PPP1R14C: variants seen among roughly 807,000 people sequenced by gnomAD.
The protein encoded by PPP1R14C is protein phosphatase 1 regulatory subunit 14C.
PPP1R14C carries 16 observed loss-of-function variants against 20.4 expected under a neutral mutation model. That is an observed-to-expected ratio of 0.78 (90% confidence interval 0.53 to 1.19). The LOEUF is 1.19. PPP1R14C is among the 50% of genes most tolerant of loss of function. The probability of loss-of-function intolerance (pLI) is 0.00; values close to 1 mark genes in which losing one functional copy is unlikely to be tolerated. For missense variants in PPP1R14C, 211 were observed against 220.1 expected (o/e 0.96, Z 0.26); for synonymous variants, 91 against 91.0 (o/e 1.00, Z 0.00).
In PPP1R14C at chr6:150,249,786, G is replaced by T. The variant is rs867143313; in HGVS notation, c.*966G>T. 2.7e-6 allele frequency: 1 copy of T among 372,496 alleles called. No individual in the cohort carries two copies. The highest frequency in any genetic ancestry group is 2.1e-5 in the African/African-American group (1 of 48,172). The allele number at this position is 372,496 out of a possible 1,614,324, so 23.1% of individuals were successfully genotyped here. On this transcript the variant is annotated 3_prime_UTR_variant, in exon 4 of 4. Coordinates refer to ENST00000361131, the MANE Select transcript of PPP1R14C (RefSeq NM_030949.3). ...TCTTCCTTAGAAATAGGTTCTGGTA[G>T]CTTCTGTGCCTGGGTAGTATCAGAC...
chr6:150,222,401 T>C (rs1488887044), intron 3 of PPP1R14C, among the ~76,000 whole-genome samples: 3 of 152,162 alleles, frequency 2.0e-5, no homozygotes, highest in Admixed American at 6.5e-5. Flanking sequence ...ATTGTCACCA[T>C]CTCCTCACAG....
chr6:150,235,894 C>CT (rs1367656694), intron 3 of PPP1R14C, among the ~76,000 whole-genome samples: 1 of 152,170 alleles, frequency 6.6e-6, no homozygotes, highest in African/African-American at 2.4e-5. Context: ...GGACACTGAC[C>CT]TTTGCATGTC....
intron 1 of PPP1R14C, among the ~76,000 whole-genome samples, chr6:150,206,848 T>C (rs1777957953): frequency 2.0e-5 from 3 of 150,712 alleles, no homozygotes; most frequent in African/African-American, 7.4e-5. Context: ...ATTTTGATGT[T>C]TTTTTTTGTT....
At chr6:150,230,928 T>C (rs1046922827) in intron 3 of PPP1R14C, among the ~76,000 whole-genome samples, 1 of 152,230 alleles carries the variant, frequency 6.6e-6, no homozygotes, top group Admixed American at 6.5e-5. Context: ...TGAATTACTT[T>C]GAATGACTAG....
intron 1 of PPP1R14C, among the ~76,000 whole-genome samples, chr6:150,180,842 A>C (rs1416548148): frequency 3.3e-5 from 5 of 152,158 alleles, no homozygotes; most frequent in Non-Finnish European, 5.9e-5. Context: ...ATGACCCTGG[A>C]CTACATCAGC....
At position 150,185,984 on chromosome 6, in the gene PPP1R14C, A is replaced by T. The variant is rs145531056; in HGVS notation, c.307-28760A>T. Among the ~76,000 whole-genome samples, 1 of 152,118 alleles carries T rather than the reference A, an allele frequency of 6.6e-6. No individual in the cohort carries two copies. Among genetic ancestry groups the T allele is most frequent in the Non-Finnish European group, 1.5e-5 (1 of 68,022 alleles). ...GTTCACTGGGCAAAGCAAGTCCCTT[A>T]GTCACACCCAACTTCAGAGGGGCAG... On this transcript the variant is annotated intron_variant, in intron 1 of 3. Transcript: ENST00000361131. This position sits in a 1 kb window ranked among gnomAD's most constrained non-coding sequence, Gnocchi z 4.1.
chr6:150,190,402 C>A (rs1325088123), intron 1 of PPP1R14C, among the ~76,000 whole-genome samples: 1 of 150,994 alleles, frequency 6.6e-6, no homozygotes, highest in Non-Finnish European at 1.5e-5. Context: ...AAGGCAGAAA[C>A]CTTAAAGTCA....
intron 3 of PPP1R14C, among the ~76,000 whole-genome samples, chr6:150,247,840 A>G (rs544754355): frequency 1.8e-4 from 28 of 152,274 alleles, no homozygotes; most frequent in African/African-American, 5.5e-4. Flanking sequence ...AATCACAAAC[A>G]CTAGTGGTGG....
At chr6:150,231,345 G>C (rs190293589) in intron 3 of PPP1R14C, among the ~76,000 whole-genome samples, 7 of 152,232 alleles carry the variant, frequency 4.6e-5, no homozygotes, top group Non-Finnish European at 8.8e-5. Flanking sequence ...GAGTATAAAG[G>C]AACATCCAAG....
chr6:150,162,946 G>T (rs1339719706), intron 1 of PPP1R14C, among the ~76,000 whole-genome samples: 2 of 152,192 alleles, frequency 1.3e-5, no homozygotes, highest in Non-Finnish European at 2.9e-5. Flanking sequence ...CATGATGAGA[G>T]ATGGCACCAG....
At position 150,143,410 on chromosome 6, in the gene PPP1R14C, C is replaced by T. The variant is rs1161555333; in HGVS notation, c.218C>T (p.Thr73Ile). Residue 73 changes from threonine to isoleucine, a missense_variant, in exon 1 of 4, where the codon ACA becomes ATA. Coordinates refer to ENST00000361131, the MANE Select transcript of PPP1R14C (RefSeq NM_030949.3). The surrounding 1 kb of genome is among the most constrained non-coding windows in gnomAD (Gnocchi z 5.6). ...QQRRHQQGKVTVKYDRKELRK... is the reference protein window; with the variant it reads ...QQRRHQQGKVIVKYDRKELRK... ...CGGCGACACCAGCAGGGAAAAGTGA[C>T]AGTGAAATACGATCGTAAGGAGCTT... The T allele has an allele frequency of 4.3e-6, 7 of 1,612,414 alleles. No individual in the cohort carries two copies. Among genetic ancestry groups the T allele is most frequent in the South Asian group, 3.3e-5 (3 of 90,698 alleles).
At chr6:150,181,957 A>G (rs9478551) in intron 1 of PPP1R14C, among the ~76,000 whole-genome samples, 19,272 of 152,192 alleles carry the variant, frequency 0.13, 1,633 homozygotes, top group African/African-American at 0.24. Flanking sequence ...AGCAGCTGCT[A>G]GTTGAAGTGG....
intron 1 of PPP1R14C, among the ~76,000 whole-genome samples, chr6:150,208,368 G>A (rs1030379275): frequency 6.6e-6 from 1 of 152,128 alleles, no homozygotes; most frequent in Non-Finnish European, 1.5e-5. Flanking sequence ...AAAGCTTCCA[G>A]GATCCTCCCT....
chr6:150,212,793 C>G (rs980568651), intron 1 of PPP1R14C, among the ~76,000 whole-genome samples: 2 of 152,172 alleles, frequency 1.3e-5, no homozygotes, highest in Non-Finnish European at 2.9e-5. Flanking sequence ...ACTGTGTTAC[C>G]GTTGCCTACA....
In PPP1R14C at chr6:150,161,900, C is replaced by T. The variant is rs541658025; in HGVS notation, c.306+18402C>T. Among the ~76,000 whole-genome samples, 5 of 152,330 alleles carry T rather than the reference C, an allele frequency of 3.3e-5. No homozygotes were observed. In the South Asian group the frequency reaches 1.0e-3, roughly 32 times the overall value. Reference sequence around the variant, plus strand: ...ACTTTTTAAATTTGCTTACATTGTACATTAAGATTCATTCTTTGTGTAGTC... The same window carrying T: ...ACTTTTTAAATTTGCTTACATTGTATATTAAGATTCATTCTTTGTGTAGTC... On this transcript the variant is annotated intron_variant, in intron 1 of 3. Coordinates refer to ENST00000361131, the MANE Select transcript of PPP1R14C (RefSeq NM_030949.3).
intron 1 of PPP1R14C, among the ~76,000 whole-genome samples, chr6:150,199,855 C>T (rs766950156): frequency 3.1e-5 from 4 of 129,826 alleles, no homozygotes; most frequent in Middle Eastern, 3.5e-3. Context: ...GGTGACAGAG[C>T]GAGAGCCTGT....
At chr6:150,193,394 G>C (rs1562265864) in intron 1 of PPP1R14C, among the ~76,000 whole-genome samples, 1 of 151,698 alleles carries the variant, frequency 6.6e-6, no homozygotes, top group East Asian at 1.9e-4. Flanking sequence ...AGGAAAACAA[G>C]AAAAAAAGTA....
In PPP1R14C at chr6:150,249,623, T is replaced by G; in HGVS notation, c.*803T>G. On this transcript the variant is annotated 3_prime_UTR_variant, in exon 4 of 4. Coordinates refer to ENST00000361131, the MANE Select transcript of PPP1R14C (RefSeq NM_030949.3). ...AACTAACTTGATTTCTAGAGAAATA[T>G]CCACACTATCTCAGTGGTATTTTGC... The G allele has an allele frequency of 2.5e-6, 1 of 398,522 alleles. No individual in the cohort carries two copies. Among genetic ancestry groups the G allele is most frequent in the East Asian group, 3.6e-5 (1 of 28,062 alleles). The allele number at this position is 398,522 out of a possible 1,614,324, so 24.7% of individuals were successfully genotyped here. A position where few individuals can be genotyped will look rare whatever the true frequency, so the allele number is the denominator to read the frequency against.
intron 1 of PPP1R14C, among the ~76,000 whole-genome samples, chr6:150,175,233 G>A (rs1016427265): frequency 6.6e-6 from 1 of 152,126 alleles, no homozygotes; most frequent in Non-Finnish European, 1.5e-5. Flanking sequence ...CCATTGTAGC[G>A]ATGGAACCAG....
Sources: allele counts gnomAD v4.1 joint callset (sites outside exome capture counted in the v4.1 genomes callset), GRCh38; gene constraint gnomAD v4.1.1; non-coding constraint Gnocchi (gnomAD v3.1); transcripts MANE v1.5; gene names NCBI Gene and HGNC (gene_info 2026-07-23, HGNC 2026-07-21).